APTX: variants seen among roughly 807,000 people sequenced by gnomAD.
The protein encoded by APTX is aprataxin.
Under a neutral mutation model 42.3 loss-of-function variants are expected in APTX, and 33 were observed. The ratio of observed to expected loss-of-function variants is 0.78; its 90% confidence interval spans 0.59 to 1.04. The LOEUF (loss-of-function observed/expected upper bound fraction) is 1.04. APTX is among the 50% of genes least tolerant of loss of function. The probability of loss-of-function intolerance (pLI) is 0.00; values close to 1 mark genes in which losing one functional copy is unlikely to be tolerated. For synonymous variants in APTX, 130 were observed against 146.7 expected (o/e 0.89, Z 0.82); for missense variants, 421 against 415.1 (o/e 1.01, Z -0.12).
Position 32,973,662 on chromosome 9 carries a change from AG to A in APTX, c.875-11del, listed in dbSNP as rs1293354141. 2 of 1,613,510 alleles carry A rather than the reference AG, an allele frequency of 1.2e-6. No homozygotes were observed. Among genetic ancestry groups the A allele is most frequent in the Non-Finnish European group, 1.7e-6 (2 of 1,179,952 alleles). The stretch of plus-strand genomic sequence containing the variant: ...ACCATCTCGATCACAGCTGCAGGCA[AG>A]GAAGAAAAGTCAAATCCCAGCTACT... On this transcript the variant is annotated splice_polypyrimidine_tract_variant and intron_variant, in intron 7 of 7. Coordinates refer to ENST00000379817, the MANE Select transcript of APTX (RefSeq NM_001195248.2).
intron 4 of APTX, among the ~76,000 whole-genome samples, chr9:32,987,264 C>T (rs1832409606): frequency 6.6e-6 from 1 of 152,172 alleles, no homozygotes; most frequent in African/African-American, 2.4e-5. Flanking sequence ...TCTATGAAAA[C>T]CTTCTATAGA....
intron 1 of APTX, among the ~76,000 whole-genome samples, chr9:33,020,425 C>T (rs990717449): frequency 1.3e-5 from 2 of 152,184 alleles, no homozygotes; most frequent in Admixed American, 6.5e-5. Context: ...CTCTCCATTT[C>T]TTCTATTTAG....
intron 6 of APTX, among the ~76,000 whole-genome samples, chr9:32,975,449 C>T (rs929651541): frequency 1.3e-5 from 2 of 152,184 alleles, no homozygotes; most frequent in African/African-American, 4.8e-5. Context: ...CGCCTGTAAT[C>T]CCAGCACTTT....
intron 1 of APTX, among the ~76,000 whole-genome samples, chr9:33,006,724 G>C (rs562006194): frequency 6.6e-6 from 1 of 152,066 alleles, no homozygotes; most frequent in Non-Finnish European, 1.5e-5. Flanking sequence ...TATCTGGCCG[G>C]GTGCGGTGGC....
At chr9:33,005,165 C>A (rs1837047207), upstream of APTX, among the ~76,000 whole-genome samples, 1 of 151,962 alleles carries the variant, frequency 6.6e-6, no homozygotes, top group Non-Finnish European at 1.5e-5. Flanking sequence ...TGGATATTGA[C>A]CTCTGATCAA....
intron 1 of APTX, among the ~76,000 whole-genome samples, chr9:32,996,702 G>A (rs1402312459): frequency 6.6e-6 from 1 of 152,194 alleles, no homozygotes; most frequent in Non-Finnish European, 1.5e-5. Context: ...ATTATTGGAT[G>A]TGGTCAAACT....
At chr9:33,008,527 C>G (rs1483398661) in intron 1 of APTX, among the ~76,000 whole-genome samples, 1 of 151,646 alleles carries the variant, frequency 6.6e-6, no homozygotes, top group African/African-American at 2.4e-5. Flanking sequence ...AGGTGTGAAC[C>G]ACCACACACA....
At chr9:33,021,454 A>T (rs1300185307) in intron 1 of APTX, among the ~76,000 whole-genome samples, 1 of 152,000 alleles carries the variant, frequency 6.6e-6, no homozygotes, top group African/African-American at 2.4e-5. Context: ...ATTAAAAAAA[A>T]TACAAGGAAT....
chr9:33,012,712 C>T lies in APTX; in HGVS notation c.-5+12311G>A, dbSNP rs139878262. Among the ~76,000 whole-genome samples the T allele has an allele frequency of 1.4e-4, 22 of 152,272 alleles. No homozygotes were observed. The East Asian group carries it at 4.2e-3, about 29-fold the overall frequency. On this transcript the variant is annotated intron_variant, in intron 1 of 6. Transcript: ENST00000436040. ...AGTTGCTACACAGAACAGAGATGCA[C>T]TATCCCTGCTAAGCCCTGCCCCAAC...
intron 1 of APTX, among the ~76,000 whole-genome samples, chr9:33,018,276 T>C (rs1292010012): frequency 6.6e-6 from 1 of 151,516 alleles, no homozygotes; most frequent in East Asian, 2.0e-4. Context: ...ACACCTTGGA[T>C]AATGTTTGTA....
chr9:33,013,263 T>C (rs1837664022), intron 1 of APTX, among the ~76,000 whole-genome samples: 1 of 152,188 alleles, frequency 6.6e-6, no homozygotes, highest in African/African-American at 2.4e-5. Context: ...ACTATTATTA[T>C]CCACTTTTAC....
chr9:33,010,501 C>T (rs933199986), intron 1 of APTX, among the ~76,000 whole-genome samples: 29 of 152,188 alleles, frequency 1.9e-4, no homozygotes, highest in African/African-American at 7.0e-4. Context: ...GGGTGGATCA[C>T]TTGAGGTCAG....
At chr9:33,022,516 T>C (rs569080274) in intron 1 of APTX, among the ~76,000 whole-genome samples, 1 of 152,352 alleles carries the variant, frequency 6.6e-6, no homozygotes, top group South Asian at 2.1e-4. Context: ...CAATTTCAAT[T>C]CTAGCTGTCC....
At chr9:32,990,199 G>A (rs1587494804) in intron 1 of APTX, 2 of 271,116 alleles carry the variant, frequency 7.4e-6, no homozygotes, top group East Asian at 1.8e-4. Flanking sequence ...TTGAGACAGA[G>A]TCTCGCTGTG....
intron 6 of APTX, among the ~76,000 whole-genome samples, chr9:32,976,084 A>C (rs1251936466): frequency 6.6e-6 from 1 of 152,228 alleles, no homozygotes; most frequent in African/African-American, 2.4e-5. Context: ...AATGTAATGG[A>C]AAGATCTGTA....
chr9:33,001,290 T>C, intron 1 of APTX: 1 of 1,478,350 alleles, frequency 6.8e-7, no homozygotes, highest in Non-Finnish European at 9.0e-7. Flanking sequence ...CAGGGCCCAT[T>C]CTCTAATATT....
chr9:33,018,823 G>A (rs1337014591), intron 1 of APTX, among the ~76,000 whole-genome samples: 2 of 152,136 alleles, frequency 1.3e-5, no homozygotes, highest in African/African-American at 4.8e-5. Flanking sequence ...AGGTTGCAGT[G>A]ACCCAACATC....
chr9:33,018,789 G>A (rs1016719491), intron 1 of APTX, among the ~76,000 whole-genome samples: 1 of 152,162 alleles, frequency 6.6e-6, no homozygotes, highest in Non-Finnish European at 1.5e-5. Context: ...TGAGGCAGGA[G>A]AATTGCTGGA....
chr9:32,985,326 GTTTTTT>G (rs5897530), intron 5 of APTX, among the ~76,000 whole-genome samples: 14 of 103,080 alleles, frequency 1.4e-4, no homozygotes, highest in African/African-American at 6.1e-4. Flanking sequence ...GATGATGCCT[GTTTTTT>G]TTTTTTTTTT....
Sources: gnomAD v4.1 joint callset for allele counts (sites outside exome capture counted in the v4.1 genomes callset) on GRCh38, gnomAD v4.1.1 for gene constraint, MANE v1.5 for transcripts, NCBI Gene and HGNC (gene_info 2026-07-23, HGNC 2026-07-21) for gene names.